EDNRB: variants seen among roughly 807,000 people sequenced by gnomAD.
The protein encoded by EDNRB is endothelin receptor type B.
In EDNRB, 18 loss-of-function variants were observed where a neutral mutation model predicts 46.4. That is an observed-to-expected ratio of 0.39 (90% CI 0.27 to 0.57). The LOEUF is 0.57. Among genes scored for constraint, EDNRB ranks in the 20% least tolerant of loss-of-function variants. The pLI, the probability that EDNRB is intolerant of heterozygous loss-of-function variation, is 0.61. For missense variants in EDNRB, 434 were observed against 537.5 expected (o/e 0.81, Z 1.90); for synonymous variants, 213 against 204.9 (o/e 1.04, Z -0.34).
intron 1 of EDNRB, among the ~76,000 whole-genome samples, chr13:77,972,731 G>T: frequency 6.6e-6 from 1 of 152,246 alleles, no homozygotes; most frequent in Middle Eastern, 3.4e-3. Context: ...AATTGACTTG[G>T]TTATGTTAAT....
chr13:77,959,252 G>T lies in EDNRB; in HGVS notation c.-52+16095C>A, dbSNP rs767591925. Among the ~76,000 whole-genome samples, 57 of 152,166 alleles carry T rather than the reference G, an allele frequency of 3.7e-4. 1 individual carries two copies. The highest frequency in any genetic ancestry group is 7.2e-4 in the Non-Finnish European group (49 of 68,034). On this transcript the variant is annotated intron_variant, in intron 1 of 7. Transcript: ENST00000646948. ...ATGGACAGACTGCCTCCTCAAGCGG[G>T]TCCCTGACCCCCGAGTAACCTAATG... is the stretch of plus-strand genomic sequence containing the variant.
At chr13:77,934,679 A>AGCGGGG in intron 1 of EDNRB, among the ~76,000 whole-genome samples, 1 of 127,680 alleles carries the variant, frequency 7.8e-6, no homozygotes, top group African/African-American at 2.8e-5. Context: ...TGTGTAGGAA[A>AGCGGGG]GGGGGGGGGG....
chr13:77,908,053 G>C (rs1276041618), intron 1 of EDNRB, among the ~76,000 whole-genome samples: 1 of 145,006 alleles, frequency 6.9e-6, no homozygotes. Context: ...AAGAGAGAGA[G>C]AGCATTAACC....
chr13:77,965,357 T>G (rs1881550519), intron 1 of EDNRB, among the ~76,000 whole-genome samples: 1 of 152,206 alleles, frequency 6.6e-6, no homozygotes, highest in Non-Finnish European at 1.5e-5. Flanking sequence ...ATGCTTCATT[T>G]GAATCAATTA....
chr13:77,935,142 G>A (rs1290929201), intron 1 of EDNRB, among the ~76,000 whole-genome samples: 1 of 152,354 alleles, frequency 6.6e-6, no homozygotes, highest in East Asian at 1.9e-4. Context: ...GAACTGTAGA[G>A]AGTGAGTTGA....
chr13:77,969,045 T>C (rs1373457490), intron 1 of EDNRB, among the ~76,000 whole-genome samples: 1 of 152,198 alleles, frequency 6.6e-6, no homozygotes, highest in Non-Finnish European at 1.5e-5. Flanking sequence ...AACAGTTTTC[T>C]AAGAAGCACT....
At chr13:77,952,509 A>G (rs1399963211) in intron 1 of EDNRB, among the ~76,000 whole-genome samples, 1 of 152,148 alleles carries the variant, frequency 6.6e-6, no homozygotes, top group Non-Finnish European at 1.5e-5. Flanking sequence ...AGCAAGTCCC[A>G]GCCTCATTTT....
chr13:77,950,725 T>C (rs945184426), intron 1 of EDNRB, among the ~76,000 whole-genome samples: 1 of 152,214 alleles, frequency 6.6e-6, no homozygotes, highest in Middle Eastern at 3.2e-3. Context: ...TATTAAAGAC[T>C]GTAGTTCCAG....
chr13:77,914,987 T>C (rs2137633878), intron 1 of EDNRB, among the ~76,000 whole-genome samples: 1 of 152,318 alleles, frequency 6.6e-6, no homozygotes, highest in South Asian at 2.1e-4. Context: ...AGAAATTGTG[T>C]ATATTGAATT....
intron 1 of EDNRB, among the ~76,000 whole-genome samples, chr13:77,972,963 C>T (rs188402151): frequency 2.0e-5 from 3 of 152,158 alleles, no homozygotes; most frequent in Admixed American, 6.6e-5. Context: ...TAGGGTCCTT[C>T]CCAGGCTGGC....
At chr13:77,922,865 G>C (rs1880124895), upstream of EDNRB, among the ~76,000 whole-genome samples, 1 of 152,108 alleles carries the variant, frequency 6.6e-6, no homozygotes, top group African/African-American at 2.4e-5. Context: ...CTTTAAAAGT[G>C]GTAAAATTTG....
intron 1 of EDNRB, among the ~76,000 whole-genome samples, chr13:77,929,103 TGCTTGTTATGACACATTTCTGGAA>T: frequency 6.6e-6 from 1 of 152,316 alleles, no homozygotes; most frequent in African/African-American, 2.4e-5. Flanking sequence ...GTCACTCTGC[TGCTTGTTATGACACATTTCTGGAA>T]GTGACTGACA....
At chr13:77,963,680 T>C (rs2137687587) in intron 1 of EDNRB, among the ~76,000 whole-genome samples, 1 of 152,320 alleles carries the variant, frequency 6.6e-6, no homozygotes, top group Non-Finnish European at 1.5e-5. Flanking sequence ...GAAGAAATCC[T>C]AGGCAATACC....
Position 77,935,781 on chromosome 13 carries a change from A to G in EDNRB, c.-51-17157T>C, listed in dbSNP as rs533457356. Among the ~76,000 whole-genome samples the G allele has an allele frequency of 3.3e-5, 5 of 152,314 alleles. No individual in the cohort carries two copies. The South Asian group carries it at 1.0e-3, about 32-fold the overall frequency. ...AAGCAAAGAAAGGCTGGGATGAAGGATGCAAAGGAATAGTAAAGAAAGCAT... is the reference window on the plus strand; with the variant it reads ...AAGCAAAGAAAGGCTGGGATGAAGGGTGCAAAGGAATAGTAAAGAAAGCAT... On this transcript the variant is annotated intron_variant, in intron 1 of 7. Coordinates refer to the EDNRB transcript ENST00000646948.
At chr13:77,961,259 C>T (rs943314323) in intron 1 of EDNRB, among the ~76,000 whole-genome samples, 25 of 151,788 alleles carry the variant, frequency 1.6e-4, no homozygotes, top group Non-Finnish European at 2.7e-4. Context: ...AGCACCACGT[C>T]GCACTTATTC....
intron 1 of EDNRB, among the ~76,000 whole-genome samples, chr13:77,913,307 C>A (rs564006810): frequency 6.6e-6 from 1 of 152,198 alleles, no homozygotes; most frequent in South Asian, 2.1e-4. Flanking sequence ...AGCAGTTTTG[C>A]CTTTCAGAAC....
chr13:77,931,220 T>A (rs916867991), intron 1 of EDNRB, among the ~76,000 whole-genome samples: 2 of 152,116 alleles, frequency 1.3e-5, no homozygotes, highest in Non-Finnish European at 2.9e-5. Context: ...AATAAAGACA[T>A]TAATGGAAAG....
At chr13:77,940,526 TA>T (rs201464166) in intron 1 of EDNRB, among the ~76,000 whole-genome samples, 2,205 of 152,304 alleles carry the variant, frequency 0.014, 46 homozygotes, top group East Asian at 0.024. Context: ...GATGGAGTTT[TA>T]GTGCAATAAG....
intron 1 of EDNRB, among the ~76,000 whole-genome samples, chr13:77,906,041 T>C (rs557643051): frequency 6.6e-6 from 1 of 151,998 alleles, no homozygotes; most frequent in East Asian, 1.9e-4. Context: ...TGAGAACTAG[T>C]GGTGAGCTGG....
Sources: gnomAD v4.1 joint callset for allele counts (sites outside exome capture counted in the v4.1 genomes callset) on GRCh38, gnomAD v4.1.1 for gene constraint, MANE v1.5 for transcripts, NCBI Gene and HGNC (gene_info 2026-07-23, HGNC 2026-07-21) for gene names.